Variants in SHOX observed in about 807,000 individuals in gnomAD.
The protein encoded by SHOX is SHOX homeobox.
SHOX carries 12 observed loss-of-function variants against 29.6 expected under a neutral mutation model. The observed-to-expected ratio is 0.41, with a 90% CI of 0.26 to 0.66. SHOX has a LOEUF of 0.66. SHOX is among the 30% of genes least tolerant of loss of function. SHOX has a pLI of 0.35. For synonymous variants in SHOX, 214 were observed against 200.6 expected (o/e 1.07, Z -0.57); for missense variants, 499 against 437.7 (o/e 1.14, Z -1.25).
chrX:652,277 T>C (rs757366632), downstream of SHOX, among the ~76,000 whole-genome samples: 3 of 152,108 alleles, frequency 2.0e-5, no homozygotes, highest in African/African-American at 4.8e-5. Flanking sequence ...GATTGAGTCA[T>C]TTTTGAGACA....
Position 644,435 on chromosome X carries a change from G to T in SHOX, c.678G>T (p.Pro226=). Residue 226 remains proline, a synonymous_variant, in exon 5 of 5, where the codon CCG becomes CCT. Coordinates refer to ENST00000686671, the MANE Select transcript of SHOX (RefSeq NM_000451.4). The part of the protein sequence containing the change: ...LQLEGVAHAH[P]HLHPHLAAHA... The stretch of plus-strand genomic sequence containing the variant: ...TGGAAGGCGTGGCCCACGCGCACCC[G>T]CACCTGCACCCGCACCTGGCGGCGC... 2 of 1,520,974 alleles carry T rather than the reference G, an allele frequency of 1.3e-6. No homozygotes were observed. The highest frequency in any genetic ancestry group is 2.6e-5 in the East Asian group (1 of 38,756). The allele number at this position is 1,520,974 out of a possible 1,614,324, so 94.2% of individuals were successfully genotyped here. A position where few individuals can be genotyped will look rare whatever the true frequency, so the allele number is the denominator to read the frequency against.
At position 647,254 on chromosome X, in the gene SHOX, T is replaced by G. The variant is rs28600866; in HGVS notation, c.*2618T>G. On this transcript the variant is annotated 3_prime_UTR_variant, in exon 5 of 5. Transcript: ENST00000686671. Reference sequence around the variant, plus strand: ...ACCAGGCCTGGGTAACTTTCTGGTATTTTTAGTAGAGACAGGGTTTCAGCC... The same window carrying G: ...ACCAGGCCTGGGTAACTTTCTGGTAGTTTTAGTAGAGACAGGGTTTCAGCC... 0.068 allele frequency among the ~76,000 whole-genome samples: 8,741 copies of G among 127,828 alleles called. 531 individuals are homozygous for G. Among genetic ancestry groups the G allele is most frequent in the African/African-American group, 0.24 (7,927 of 32,616 alleles). 83.9% of individuals were successfully genotyped at this position (127,828 alleles called of 152,430 possible).
At chrX:628,375 C>A (rs1160989212), upstream of SHOX, among the ~76,000 whole-genome samples, 1 of 150,728 alleles carries the variant, frequency 6.6e-6, no homozygotes, top group Non-Finnish European at 1.5e-5. Flanking sequence ...GTCTGTTTCT[C>A]TCTCTCCATC....
chrX:642,506 G>C lies in SHOX; in HGVS notation c.633+1419G>C, dbSNP rs777398925. On this transcript the variant is annotated intron_variant, in intron 4 of 4. Coordinates refer to ENST00000686671, the MANE Select transcript of SHOX (RefSeq NM_000451.4). ...GGACCCCGAGCGCTGGTCGCCGCTA[G>C]CTCTCCAGCTCTCCCTGGCCCAGGC... is the stretch of plus-strand genomic sequence containing the variant. 2.8e-3 allele frequency among the ~76,000 whole-genome samples: 429 copies of C among 152,298 alleles called. 1 individual carries two copies. The highest frequency in any genetic ancestry group is 4.6e-3 in the Non-Finnish European group (315 of 68,014).
rs1308686807 is a variant in SHOX at position 646,902 on chromosome X, T to C, written c.*2266T>C. ...GGAAGTAGGTTCATTCATCAGAGTA[T>C]GTAACCCTTTGGAAAAGTGGTTGGT... On this transcript the variant is annotated 3_prime_UTR_variant, in exon 5 of 5. Transcript: ENST00000686671. 1 of 152,112 alleles carries C rather than the reference T, an allele frequency of 6.6e-6. No individual in the cohort carries two copies. The highest frequency in any genetic ancestry group is 1.5e-5 in the Non-Finnish European group (1 of 68,024). 9.4% of individuals were successfully genotyped at this position (152,112 alleles called of 1,614,324 possible). A position where few individuals can be genotyped will look rare whatever the true frequency, so the allele number is the denominator to read the frequency against.
At chrX:626,344 GTCTATCTCT>G (rs2052532913), upstream of SHOX, among the ~76,000 whole-genome samples, 1 of 105,170 alleles carries the variant, frequency 9.5e-6, no homozygotes, top group Non-Finnish European at 1.9e-5. Context: ...CTGTATCTCT[GTCTATCTCT>G]GTCTCTCTCT....
chrX:652,752 G>A (rs1023917499), downstream of SHOX, among the ~76,000 whole-genome samples: 1 of 152,168 alleles, frequency 6.6e-6, no homozygotes, highest in Non-Finnish European at 1.5e-5. Context: ...TTTCTGGCCT[G>A]CGTGGTCTGA....
At chrX:630,660 T>TG, upstream of SHOX, 1 of 577,282 alleles carries the variant, frequency 1.7e-6, no homozygotes, top group Non-Finnish European at 3.1e-6. Flanking sequence ...GCCTGGGGGG[T>TG]GGGGGAGACA....
At chrX:640,451 C>A (rs1260821124) in intron 2 of SHOX, among the ~76,000 whole-genome samples, 1 of 152,028 alleles carries the variant, frequency 6.6e-6, no homozygotes, top group Non-Finnish European at 1.5e-5. Context: ...TGGTGGGCAC[C>A]TGTAGTCCCA....
At chrX:636,970 A>ATATATATATATATATATATATATATTT (rs1458275715) in intron 2 of SHOX, among the ~76,000 whole-genome samples, 7 of 137,318 alleles carry the variant, frequency 5.1e-5, no homozygotes, top group African/African-American at 8.3e-5. Flanking sequence ...ATATATATAT[A>ATATATATATATATATATATATATATTT]TTTTGGCTCC....
chrX:627,949 G>A (rs1430321818), upstream of SHOX, among the ~76,000 whole-genome samples: 1 of 152,124 alleles, frequency 6.6e-6, no homozygotes, highest in Non-Finnish European at 1.5e-5. Context: ...TCCCAGCAGA[G>A]GCAGAGATGG....
intron 4 of SHOX, 100 bp from the exon 5 acceptor site, chrX:644,291 A>AG: frequency 1.5e-6 from 2 of 1,374,380 alleles, no homozygotes; most frequent in Non-Finnish European, 1.9e-6. Flanking sequence ...GACGCTCCCT[A>AG]GGGGAGAAGA....
intron 1 of SHOX, among the ~76,000 whole-genome samples, chrX:624,783 C>T (rs767587944): frequency 8.3e-6 from 1 of 120,672 alleles, no homozygotes; most frequent in African/African-American, 3.3e-5. Flanking sequence ...TGGAGCTTTC[C>T]TTTTCTTTTC....
downstream of SHOX, among the ~76,000 whole-genome samples, chrX:654,989 A>G (rs1603291436): frequency 6.7e-6 from 1 of 150,290 alleles, no homozygotes; most frequent in African/African-American, 2.5e-5. Flanking sequence ...CGCCTGGCCC[A>G]GGAGGATTAT....
intron 1 of SHOX, 91 bp from the exon 2 acceptor site, chrX:634,527 C>A: frequency 7.3e-7 from 1 of 1,377,928 alleles, no homozygotes; most frequent in Non-Finnish European, 1.0e-6. Context: ...TTTTCGAGGG[C>A]CCCCTTTCCA....
chrX:644,002 G>A (rs2052916332), intron 4 of SHOX, among the ~76,000 whole-genome samples: 1 of 71,014 alleles, frequency 1.4e-5, no homozygotes, highest in South Asian at 3.5e-4. Context: ...GGACCCGGGA[G>A]AGGCTTGGGG....
At chrX:630,651 C>T, upstream of SHOX, 1 of 601,928 alleles carries the variant, frequency 1.7e-6, no homozygotes, top group East Asian at 2.8e-5. Flanking sequence ...CAATTGCCGG[C>T]CTGGGGGGTG....
chrX:655,802 G>A (rs773487066), downstream of SHOX, among the ~76,000 whole-genome samples: 11 of 152,074 alleles, frequency 7.2e-5, no homozygotes, highest in East Asian at 7.7e-4. Context: ...GCTGCAGTGC[G>A]TTTGCCGTGT....
rs369889266 is a variant in SHOX at position 637,291 on chromosome X, C to G, written c.486+2465C>G. Among the ~76,000 whole-genome samples, 18 of 152,136 alleles carry G rather than the reference C, an allele frequency of 1.2e-4. No individual in the cohort carries two copies. In the East Asian group the frequency reaches 2.5e-3, roughly 21 times the overall value. On this transcript the variant is annotated intron_variant, in intron 2 of 4. Transcript: ENST00000686671. ...ATTAAAGTTTCGCTAAAGGGGACAT[C>G]GAGTTTATGTGTCATCTCCTGGTGT...
Sources: gnomAD v4.1 joint callset for allele counts (sites outside exome capture counted in the v4.1 genomes callset) on GRCh38, gnomAD v4.1.1 for gene constraint, MANE v1.5 for transcripts, NCBI Gene and HGNC (gene_info 2026-07-23, HGNC 2026-07-21) for gene names.